SLIT1: variants seen among roughly 807,000 people sequenced by gnomAD.
SLIT1 encodes slit homolog 1 protein.
Under a neutral mutation model 186.1 loss-of-function variants are expected in SLIT1, and 66 were observed. The ratio of observed to expected loss-of-function variants is 0.35; its 90% CI spans 0.29 to 0.44. SLIT1 has a LOEUF of 0.44. Among genes scored for constraint, SLIT1 ranks in the 20% least tolerant of loss-of-function variants. The pLI is 1.00. For synonymous variants in SLIT1, 761 were observed against 833.8 expected (o/e 0.91, Z 1.50); for missense variants, 1,638 against 2,037.4 (o/e 0.80, Z 3.77).
chr10:97,004,592 G>T lies in SLIT1; in HGVS notation c.3710+101C>A. 7.1e-7 allele frequency: 1 copy of T among 1,415,238 alleles called. No homozygotes were observed. The highest frequency in any genetic ancestry group is 1.3e-5 in the South Asian group (1 of 79,826). The allele number at this position is 1,415,238 out of a possible 1,614,324, so 87.7% of individuals were successfully genotyped here. A position where few individuals can be genotyped will look rare whatever the true frequency, so the allele number is the denominator to read the frequency against. On this transcript the variant is annotated intron_variant, in intron 33 of 36. Coordinates refer to ENST00000266058, the MANE Select transcript of SLIT1 (RefSeq NM_003061.3). The surrounding 1 kb of genome is among the most constrained non-coding windows in gnomAD (Gnocchi z 5.1). ...TGTCCTTCAAACTCAGGCAGCCCAGGTTTCTAGAGGTCTCGATAACCACCT... is the reference window on the plus strand; with the variant it reads ...TGTCCTTCAAACTCAGGCAGCCCAGTTTTCTAGAGGTCTCGATAACCACCT...
rs1848303751 is a variant in SLIT1, at chr10:97,001,127, A to G, written c.4590T>C (p.Cys1530=). 1 of 1,612,842 alleles carries G rather than the reference A, an allele frequency of 6.2e-7. No individual in the cohort carries two copies. The highest frequency in any genetic ancestry group is 8.5e-7 in the Non-Finnish European group (1 of 1,179,780). The change falls in exon 37 of 37, where the codon TGT becomes TGC. Residue 1530 remains cysteine (C), a synonymous_variant. Transcript: ENST00000266058. The part of the protein sequence containing the change: ...EEVEKPTKCG[C]ALCA Reference sequence around the variant, plus strand: ...ACGCCCAGCGCTATGCGCAGAGGGCACAGCCACACTTGGTGGGCTTTTCCA... The same window carrying G: ...ACGCCCAGCGCTATGCGCAGAGGGCGCAGCCACACTTGGTGGGCTTTTCCA...
intron 2 of SLIT1, 95 bp from the exon 3 acceptor site, chr10:97,163,546 A>C: frequency 1.0e-6 from 1 of 998,554 alleles, no homozygotes; most frequent in Non-Finnish European, 1.6e-6. Flanking sequence ...AACCTCTGCC[A>C]GGGCAGCATT....
intron 1 of SLIT1, among the ~76,000 whole-genome samples, chr10:97,172,201 C>T (rs1427979940): frequency 1.3e-5 from 2 of 152,094 alleles, no homozygotes; most frequent in East Asian, 3.9e-4. Context: ...CACCACTATA[C>T]CCAGCTAAAT....
intron 4 of SLIT1, among the ~76,000 whole-genome samples, chr10:97,078,405 G>A (rs952866843): frequency 2.0e-5 from 3 of 152,148 alleles, no homozygotes; most frequent in Non-Finnish European, 4.4e-5. Context: ...AACCTCATCA[G>A]GCAGAGACAT....
chr10:97,001,234 G>C lies in SLIT1; in HGVS notation c.4483C>G (p.Gln1495Glu). 1 of 1,613,164 alleles carries C rather than the reference G, an allele frequency of 6.2e-7. No individual in the cohort carries two copies. The highest frequency in any genetic ancestry group is 8.5e-7 in the Non-Finnish European group (1 of 1,179,930). The change falls in exon 37 of 37, where the codon CAG becomes GAG. Residue 1495 changes from glutamine (Q) to glutamate (E), a missense_variant. Around this residue, in one of 3 missense-constraint regions of SLIT1, gnomAD observed 220 missense variants for 211.3 expected, o/e 1.04. Transcript: ENST00000266058. ...WVECRGSCPG[Q>E]GCCQGLRLKR... is the part of the protein sequence containing the mutation. ...AGCCGAAGGCCCTGGCAGCAGCCCT[G>C]GCCTGGGCACGAGCCCCGGCACTCC...
chr10:97,069,475 T>G (rs893896859), intron 4 of SLIT1, among the ~76,000 whole-genome samples: 1 of 152,222 alleles, frequency 6.6e-6, no homozygotes, highest in African/African-American at 2.4e-5. Context: ...CCCCAAAGAC[T>G]TGCTTTCATG....
chr10:97,011,241 C>G, intron 30 of SLIT1, 111 bp from the exon 31 acceptor site: 1 of 754,580 alleles, frequency 1.3e-6, no homozygotes, highest in Non-Finnish European at 2.3e-6. Context: ...GGGAGAACCT[C>G]AAGTTCCATT....
intron 4 of SLIT1, among the ~76,000 whole-genome samples, chr10:97,066,969 C>T (rs1430964338): frequency 6.6e-6 from 1 of 152,184 alleles, no homozygotes; most frequent in East Asian, 1.9e-4. Flanking sequence ...GTGGGTGCGC[C>T]TGGGGCTTAC....
At chr10:97,150,981 C>T (rs1033250192) in intron 4 of SLIT1, among the ~76,000 whole-genome samples, 1 of 152,052 alleles carries the variant, frequency 6.6e-6, no homozygotes, top group Admixed American at 6.5e-5. Flanking sequence ...GGTAACCCCC[C>T]ACCAGGGTAT....
At chr10:97,133,703 C>T (rs777441513) in intron 4 of SLIT1, among the ~76,000 whole-genome samples, 24 of 152,016 alleles carry the variant, frequency 1.6e-4, no homozygotes, top group Admixed American at 3.3e-4. Flanking sequence ...AAAAGTGAAA[C>T]GAGGACTATT....
In SLIT1 at chr10:97,138,630, T is replaced by A. The variant is rs192884832; in HGVS notation, c.413+19188A>T. ...TGTCCTTTGTTTCCTATAAACGCAG[T>A]TGTGATTTGTAGGAAACTGTTTTTT... On this transcript the variant is annotated intron_variant, in intron 4 of 36. Coordinates refer to ENST00000266058, the MANE Select transcript of SLIT1 (RefSeq NM_003061.3). Among the ~76,000 whole-genome samples, 658 of 141,970 alleles carry A rather than the reference T, an allele frequency of 4.6e-3. 9 individuals carry two copies. Among genetic ancestry groups the A allele is most frequent in the Non-Finnish European group, 2.5e-3 (167 of 65,592 alleles). 93.1% of individuals were successfully genotyped at this position (141,970 alleles called of 152,430 possible). A position where few individuals can be genotyped will look rare whatever the true frequency, so the allele number is the denominator to read the frequency against.
chr10:97,084,866 C>T (rs1849141416), intron 4 of SLIT1, among the ~76,000 whole-genome samples: 2 of 151,344 alleles, frequency 1.3e-5, no homozygotes, highest in Admixed American at 1.3e-4. Flanking sequence ...CTTGGCCTCC[C>T]AAAGTGCTAG....
intron 3 of SLIT1, among the ~76,000 whole-genome samples, chr10:97,159,644 G>A (rs1323519730): frequency 2.0e-5 from 3 of 152,188 alleles, no homozygotes; most frequent in Non-Finnish European, 1.5e-5. Flanking sequence ...CGAGGGACAT[G>A]AAGTTTACTG....
At chr10:97,110,875 G>A (rs1385002951) in intron 4 of SLIT1, among the ~76,000 whole-genome samples, 2 of 152,118 alleles carry the variant, frequency 1.3e-5, no homozygotes, top group Non-Finnish European at 2.9e-5. Flanking sequence ...ATTTTCTTTT[G>A]TTATCAAAAA....
chr10:97,149,359 T>C (rs997792694), intron 4 of SLIT1, among the ~76,000 whole-genome samples: 1 of 152,200 alleles, frequency 6.6e-6, no homozygotes, highest in Non-Finnish European at 1.5e-5. Context: ...GAGTGCTCCA[T>C]AATTGCCAAC....
Position 97,031,501 on chromosome 10 carries a change from G to A in SLIT1, c.2510+105C>T, listed in dbSNP as rs975894057. 26 of 835,856 alleles carry A rather than the reference G, an allele frequency of 3.1e-5. No individual in the cohort carries two copies. In the Middle Eastern group the frequency reaches 6.9e-4, roughly 22 times the overall value. 51.8% of individuals were successfully genotyped at this position (835,856 alleles called of 1,614,324 possible). The stretch of plus-strand genomic sequence containing the variant: ...TGACAGCACTCTGGACTCCACCATG[G>A]CACAGCGTGGGCCCTAGACATGGGA... On this transcript the variant is annotated intron_variant, in intron 24 of 36. Transcript: ENST00000266058.
chr10:96,999,676 G>A lies in SLIT1; in HGVS notation c.*1436C>T, dbSNP rs967252715. On this transcript the variant is annotated 3_prime_UTR_variant, in exon 37 of 37. Transcript: ENST00000266058. ...TTCTACATTTTCACTGTGTATGGAA[G>A]AGAAGACAACGTGGGCAGGCAATCG... The A allele has an allele frequency of 1.3e-5, 2 of 152,274 alleles. No individual in the cohort carries two copies. The highest frequency in any genetic ancestry group is 2.9e-5 in the Non-Finnish European group (2 of 68,070). 9.4% of individuals were successfully genotyped at this position (152,274 alleles called of 1,614,324 possible).
intron 28 of SLIT1, among the ~76,000 whole-genome samples, chr10:97,015,315 T>C (rs1195420671): frequency 6.6e-6 from 1 of 152,164 alleles, no homozygotes; most frequent in East Asian, 1.9e-4. Context: ...ATAAATGCAA[T>C]CTAAGTCAAG....
chr10:97,042,861 A>C (rs1848701547), intron 20 of SLIT1, 40 bp downstream of exon 20: 2 of 1,601,536 alleles, frequency 1.2e-6, no homozygotes. Context: ...GGTTGGACCC[A>C]GGGCGCCCTC....
Sources: allele counts gnomAD v4.1 joint callset (sites outside exome capture counted in the v4.1 genomes callset), GRCh38; gene constraint gnomAD v4.1.1; regional missense constraint gnomAD v4.1.1; non-coding constraint Gnocchi (gnomAD v3.1); transcripts MANE v1.5; gene names NCBI Gene and HGNC (gene_info 2026-07-23, HGNC 2026-07-21).